The following SRRM4 variants were observed in gnomAD, a reference collection of about 807,000 sequenced individuals.
SRRM4 encodes serine/arginine repetitive matrix protein 4.
SRRM4 carries 33 observed loss-of-function variants against 68.9 expected under a neutral mutation model. The observed-to-expected ratio is 0.48, with a 90% CI of 0.36 to 0.64. The LOEUF (loss-of-function observed/expected upper bound fraction) is 0.64. Among genes scored for constraint, SRRM4 ranks in the 30% least tolerant of loss-of-function variants. The probability of loss-of-function intolerance (pLI) is 0.00; values close to 1 mark genes in which losing one functional copy is unlikely to be tolerated. For missense variants in SRRM4, 817 were observed against 827.1 expected (o/e 0.99, Z 0.15); for synonymous variants, 318 against 318.8 (o/e 1.00, Z 0.03).
chr12:119,060,941 C>T (rs1953807830), intron 1 of SRRM4, among the ~76,000 whole-genome samples: 1 of 152,144 alleles, frequency 6.6e-6, no homozygotes, highest in Admixed American at 6.5e-5. Context: ...GAATGTAGCC[C>T]TAAACGATAC....
intron 1 of SRRM4, among the ~76,000 whole-genome samples, chr12:119,021,183 T>G (rs1016869067): frequency 2.6e-5 from 4 of 152,186 alleles, no homozygotes; most frequent in Non-Finnish European, 5.9e-5. Context: ...TGTTTTGCAA[T>G]CTGGTAGAAA....
chr12:119,006,017 A>G (rs1470287390), intron 1 of SRRM4, among the ~76,000 whole-genome samples: 1 of 152,210 alleles, frequency 6.6e-6, no homozygotes, highest in Non-Finnish European at 1.5e-5. Context: ...GTGAGATTCC[A>G]ATAAGATAAT....
At chr12:119,053,067 G>A (rs564208803) in intron 1 of SRRM4, among the ~76,000 whole-genome samples, 13 of 152,180 alleles carry the variant, frequency 8.5e-5, no homozygotes, top group Non-Finnish European at 1.3e-4. Flanking sequence ...AATTGTCAGA[G>A]AGTTGTCTCA....
At chr12:118,997,273 C>T (rs774084427) in intron 1 of SRRM4, among the ~76,000 whole-genome samples, 1 of 152,210 alleles carries the variant, frequency 6.6e-6, no homozygotes, top group Non-Finnish European at 1.5e-5. Flanking sequence ...CTTCCTTATA[C>T]TCACATGTGG....
Position 119,101,958 on chromosome 12 carries a change from T to C in SRRM4, c.132-278T>C, listed in dbSNP as rs565996153. Among the ~76,000 whole-genome samples the C allele has an allele frequency of 3.3e-5, 5 of 152,346 alleles. No individual in the cohort carries two copies. In the East Asian group the frequency reaches 9.7e-4, roughly 29 times the overall value. ...AAGTCTGATGTGGTGAAGGCATCTTTCCTTCATCAAATAGTTTCACCTTTC... is the reference window on the plus strand; with the variant it reads ...AAGTCTGATGTGGTGAAGGCATCTTCCCTTCATCAAATAGTTTCACCTTTC... On this transcript the variant is annotated intron_variant, in intron 1 of 12. Coordinates refer to ENST00000267260, the MANE Select transcript of SRRM4 (RefSeq NM_194286.4).
At chr12:119,000,699 C>A (rs988037178) in intron 1 of SRRM4, 4 of 152,190 alleles carry the variant, frequency 2.6e-5, no homozygotes, top group Non-Finnish European at 4.4e-5. Context: ...ACAGCCCTGT[C>A]CTTGGGCTAT....
intron 7 of SRRM4, among the ~76,000 whole-genome samples, chr12:119,127,855 C>G (rs940538720): frequency 2.0e-4 from 30 of 152,282 alleles, no homozygotes; most frequent in Non-Finnish European, 3.7e-4. Context: ...AGACACTGTG[C>G]TAAGATTTTC....
intron 3 of SRRM4, among the ~76,000 whole-genome samples, chr12:119,116,678 A>G (rs1270112913): frequency 6.6e-6 from 1 of 152,218 alleles, no homozygotes; most frequent in Non-Finnish European, 1.5e-5. Flanking sequence ...AAAGGATTGA[A>G]TGAGATAATG....
intron 1 of SRRM4, among the ~76,000 whole-genome samples, chr12:118,988,951 G>A (rs143044390): frequency 6.6e-6 from 1 of 152,310 alleles, no homozygotes; most frequent in African/African-American, 2.4e-5. Context: ...AACAGCAAGT[G>A]CAAAGGCCCT....
chr12:119,116,893 C>T lies in SRRM4; in HGVS notation c.366-44C>T, dbSNP rs767217702. 13 of 1,596,146 alleles carry T rather than the reference C, an allele frequency of 8.1e-6. No individual in the cohort carries two copies. In the African/African-American group the frequency reaches 1.1e-4, roughly 13 times the overall value. ...GGTTCTTTTTGAAACCAACCTTGGC[C>T]TTTAAGAGCCTCCTTCTGAAATGTG... On this transcript the variant is annotated intron_variant, in intron 3 of 12. Coordinates refer to ENST00000267260, the MANE Select transcript of SRRM4 (RefSeq NM_194286.4).
chr12:119,102,990 G>C (rs1954085987), intron 2 of SRRM4, among the ~76,000 whole-genome samples: 1 of 152,096 alleles, frequency 6.6e-6, no homozygotes, highest in Non-Finnish European at 1.5e-5. Flanking sequence ...GAATATGACA[G>C]CCACTAAGTG....
intron 1 of SRRM4, among the ~76,000 whole-genome samples, chr12:119,017,106 C>T (rs1032951438): frequency 2.6e-5 from 4 of 152,208 alleles, no homozygotes; most frequent in Admixed American, 2.0e-4. Flanking sequence ...GAGTTCATAT[C>T]ACCACAGCCT....
Position 119,156,578 on chromosome 12 carries a change from G to C in SRRM4, c.1616G>C (p.Ser539Thr). 6.2e-7 allele frequency: 1 copy of C among 1,610,730 alleles called. No homozygotes were observed. Among genetic ancestry groups the C allele is most frequent in the East Asian group, 2.2e-5 (1 of 44,850 alleles). Residue 539 changes from serine to threonine, a missense_variant, in exon 13 of 13, where the codon AGC becomes ACC. Ser to Thr is a moderately conservative substitution (Grantham distance 58, BLOSUM62 1). Coordinates refer to ENST00000267260, the MANE Select transcript of SRRM4 (RefSeq NM_194286.4). ...AGCAGCACCTCCTCCTGGTACAGCA[G>C]CAGCAGTAGCCGCTCGGCCAGCCGC... ...SLSSTSSWYS[S>T]SSSRSASRSY...
At position 119,159,311 on chromosome 12, in the gene SRRM4, T is replaced by C. The variant is rs1954494872; in HGVS notation, c.*2513T>C. On this transcript the variant is annotated 3_prime_UTR_variant, in exon 13 of 13. Transcript: ENST00000267260. ...GAGGCTTATGAGCTACAGTGATGAATTGACACAGTGGAGTTGCAACTTAGG... is the reference window on the plus strand; with the variant it reads ...GAGGCTTATGAGCTACAGTGATGAACTGACACAGTGGAGTTGCAACTTAGG... 6.6e-6 allele frequency: 1 copy of C among 152,202 alleles called. No individual in the cohort carries two copies. The highest frequency in any genetic ancestry group is 1.5e-5 in the Non-Finnish European group (1 of 68,088). 9.4% of individuals were successfully genotyped at this position (152,202 alleles called of 1,614,324 possible).
chr12:119,077,262 C>A (rs1311016766), intron 1 of SRRM4, among the ~76,000 whole-genome samples: 2 of 152,160 alleles, frequency 1.3e-5, no homozygotes, highest in African/African-American at 4.8e-5. Flanking sequence ...TGTGCCTTGC[C>A]TTCAAATCCT....
At chr12:119,121,674 G>A (rs1954219991) in intron 5 of SRRM4, among the ~76,000 whole-genome samples, 1 of 152,188 alleles carries the variant, frequency 6.6e-6, no homozygotes, top group Admixed American at 6.5e-5. Context: ...AGCTTAGAAT[G>A]AGCACTTGTT....
chr12:118,988,327 T>A lies in SRRM4; in HGVS notation c.131+6314T>A, dbSNP rs371320615. On this transcript the variant is annotated intron_variant, in intron 1 of 12. Coordinates refer to ENST00000267260, the MANE Select transcript of SRRM4 (RefSeq NM_194286.4). ...GGGTCTCAAATACCATTTCTTTTAATAGGAGAGAAAGCAGGCTAAACTCTC... is the reference window on the plus strand; with the variant it reads ...GGGTCTCAAATACCATTTCTTTTAAAAGGAGAGAAAGCAGGCTAAACTCTC... Among the ~76,000 whole-genome samples the A allele has an allele frequency of 1.2e-4, 18 of 152,324 alleles. 1 individual carries two copies. In the East Asian group the frequency reaches 1.7e-3, roughly 15 times the overall value.
At chr12:119,104,569 C>T (rs1220163950) in intron 2 of SRRM4, among the ~76,000 whole-genome samples, 1 of 151,984 alleles carries the variant, frequency 6.6e-6, no homozygotes, top group African/African-American at 2.4e-5. Flanking sequence ...TTACCTAAGT[C>T]AGCTCCTTTA....
intron 9 of SRRM4, among the ~76,000 whole-genome samples, chr12:119,147,033 G>A (rs910029619): frequency 6.6e-6 from 1 of 152,100 alleles, no homozygotes; most frequent in African/African-American, 2.4e-5. Context: ...AGCTTTATTT[G>A]TAATTGCTAA....
Sources: allele counts gnomAD v4.1 joint callset (sites outside exome capture counted in the v4.1 genomes callset), GRCh38; gene constraint gnomAD v4.1.1; transcripts MANE v1.5; gene names NCBI Gene and HGNC (gene_info 2026-07-23, HGNC 2026-07-21).